Variants in SORCS3 observed in about 807,000 individuals in gnomAD.
SORCS3 encodes the protein sortilin related VPS10 domain containing receptor 3.
Under a neutral mutation model 146.3 loss-of-function variants are expected in SORCS3, and 57 were observed. The observed-to-expected ratio is 0.39, with a 90% CI of 0.31 to 0.49. The LOEUF (loss-of-function observed/expected upper bound fraction) is 0.49. Among genes scored for constraint, SORCS3 ranks in the 20% least tolerant of loss-of-function variants. The pLI, the probability that SORCS3 is intolerant of heterozygous loss-of-function variation, is 0.92. For synonymous variants in SORCS3, 653 were observed against 618.5 expected, an observed-to-expected ratio of 1.06 and a Z score of -0.83; for missense variants, 1,341 against 1,575.5, an observed-to-expected ratio of 0.85 and a Z score of 2.52.
chr10:104,889,910 C>G (rs2018730937), intron 2 of SORCS3, among the ~76,000 whole-genome samples: 1 of 151,984 alleles, frequency 6.6e-6, no homozygotes, highest in Admixed American at 6.6e-5. Context: ...ATAGTTCTTT[C>G]ATCTGTTTTA....
chr10:104,820,009 G>A (rs934831072), intron 1 of SORCS3, among the ~76,000 whole-genome samples: 35 of 152,148 alleles, frequency 2.3e-4, no homozygotes, highest in Admixed American at 2.2e-3. Flanking sequence ...CTTATCTTGA[G>A]GATGTTGGGT....
intron 1 of SORCS3, among the ~76,000 whole-genome samples, chr10:104,749,745 C>T (rs1454452535): frequency 6.6e-6 from 1 of 152,088 alleles, no homozygotes; most frequent in Non-Finnish European, 1.5e-5. Flanking sequence ...ATGGACAGGG[C>T]CAGTCATGTC....
chr10:104,991,151 G>A (rs2054991556), intron 4 of SORCS3, among the ~76,000 whole-genome samples: 1 of 152,040 alleles, frequency 6.6e-6, no homozygotes, highest in Non-Finnish European at 1.5e-5. Context: ...CTGTGGTCCT[G>A]AAATAAGAAA....
intron 2 of SORCS3, among the ~76,000 whole-genome samples, chr10:104,844,823 G>A (rs193051068): frequency 6.6e-6 from 1 of 152,270 alleles, no homozygotes; most frequent in Non-Finnish European, 1.5e-5. Flanking sequence ...GGATAAACCA[G>A]GATGACCTCA....
chr10:104,777,539 G>T (rs895870741), intron 1 of SORCS3, among the ~76,000 whole-genome samples: 9 of 152,278 alleles, frequency 5.9e-5, no homozygotes, highest in Middle Eastern at 6.8e-3. Flanking sequence ...TTCACCAGGG[G>T]CAAATTTTGC....
At chr10:104,893,696 T>C (rs937522052) in intron 2 of SORCS3, among the ~76,000 whole-genome samples, 8 of 152,360 alleles carry the variant, frequency 5.3e-5, no homozygotes, top group East Asian at 1.9e-4. Context: ...ATGCCCAAGA[T>C]GCCTTGCCGT....
chr10:104,856,290 CAT>C (rs149613301), intron 2 of SORCS3, among the ~76,000 whole-genome samples: 1 of 149,492 alleles, frequency 6.7e-6, no homozygotes. Context: ...TCTCTCTCTA[CAT>C]ATATATATAT....
At position 104,876,643 on chromosome 10, in the gene SORCS3, C is replaced by T. The variant is rs145828089; in HGVS notation, c.695+33784C>T. ...GGAGTATTCCTCTTTCATATGCCCCCAAAACTCCACACCATTGTCAGATGC... is the reference window on the plus strand; with the variant it reads ...GGAGTATTCCTCTTTCATATGCCCCTAAAACTCCACACCATTGTCAGATGC... On this transcript the variant is annotated intron_variant, in intron 2 of 26. Coordinates refer to ENST00000369701, the MANE Select transcript of SORCS3 (RefSeq NM_014978.3). Among the ~76,000 whole-genome samples, 547 of 152,184 alleles carry T rather than the reference C, an allele frequency of 3.6e-3. 3 individuals are homozygous for T. Among genetic ancestry groups the T allele is most frequent in the African/African-American group, 0.012 (504 of 41,530 alleles).
chr10:105,104,653 TTCTG>T (rs2055808920), intron 6 of SORCS3, among the ~76,000 whole-genome samples: 1 of 152,256 alleles, frequency 6.6e-6, no homozygotes, highest in South Asian at 2.1e-4. Context: ...CTCACTTGAA[TTCTG>T]TCTACTTCCT....
chr10:104,837,446 A>G (rs1417830184), intron 1 of SORCS3, among the ~76,000 whole-genome samples: 1 of 152,218 alleles, frequency 6.6e-6, no homozygotes, highest in Non-Finnish European at 1.5e-5. Context: ...TATAGCTTGT[A>G]AGAAGAGAGA....
intron 6 of SORCS3, among the ~76,000 whole-genome samples, chr10:105,094,935 G>A (rs74157420): frequency 0.028 from 4,220 of 152,220 alleles, 118 homozygotes; most frequent in East Asian, 0.16. Flanking sequence ...TGAGGGAACA[G>A]GTAGGTAGCT....
At chr10:105,229,454 C>G (rs1046264314) in intron 20 of SORCS3, among the ~76,000 whole-genome samples, 2 of 152,048 alleles carry the variant, frequency 1.3e-5, no homozygotes, top group Admixed American at 1.3e-4. Flanking sequence ...ACATTGATAT[C>G]TGTGCAGCTG....
chr10:105,095,149 T>C (rs748006801), intron 6 of SORCS3, among the ~76,000 whole-genome samples: 6 of 152,170 alleles, frequency 3.9e-5, no homozygotes, highest in African/African-American at 4.8e-5. Context: ...CAGGAAGAGA[T>C]AGATGAAAAG....
intron 6 of SORCS3, among the ~76,000 whole-genome samples, chr10:105,099,685 C>T (rs1350433179): frequency 6.6e-6 from 1 of 152,122 alleles, no homozygotes; most frequent in Non-Finnish European, 1.5e-5. Flanking sequence ...AGATGAGGGG[C>T]TTGTCTTGCT....
At chr10:104,866,298 G>T (rs1417112735) in intron 2 of SORCS3, among the ~76,000 whole-genome samples, 1 of 152,168 alleles carries the variant, frequency 6.6e-6, no homozygotes, top group Non-Finnish European at 1.5e-5. Context: ...CATGTAAAGA[G>T]ATATGCATTT....
chr10:105,134,356 A>T (rs1352742471), intron 7 of SORCS3, among the ~76,000 whole-genome samples: 1 of 152,170 alleles, frequency 6.6e-6, no homozygotes, highest in Non-Finnish European at 1.5e-5. Context: ...TCCGCTGGTC[A>T]TCTGCCAGAA....
At chr10:104,940,238 A>ATATTTTT (rs1435205868) in intron 3 of SORCS3, among the ~76,000 whole-genome samples, 13 of 31,512 alleles carry the variant, frequency 4.1e-4, no homozygotes, top group Non-Finnish European at 7.3e-4. Flanking sequence ...ATATATATAT[A>ATATTTTT]TTTTTTTTTT....
chr10:104,771,798 G>A (rs2017252722), intron 1 of SORCS3, among the ~76,000 whole-genome samples: 1 of 151,572 alleles, frequency 6.6e-6, no homozygotes, highest in Non-Finnish European at 1.5e-5. Context: ...CAAGCAACCT[G>A]CATCACACTA....
chr10:105,223,189 C>A lies in SORCS3; in HGVS notation c.2808C>A (p.Val936=). The change falls in exon 20 of 27, where the codon GTC becomes GTA. Residue 936 remains valine (V), a synonymous_variant. Transcript: ENST00000369701. The part of the protein sequence containing the change: ...IRNKEVNISA[V]VWPSQLGTLT... The stretch of plus-strand genomic sequence containing the variant: ...ATAAGGAGGTCAACATCAGTGCAGT[C>A]GTGTGGCCCAGTCAACTGGGGACCC... 1.2e-6 allele frequency: 2 copies of A among 1,613,428 alleles called. No individual in the cohort carries two copies. Among genetic ancestry groups the A allele is most frequent in the Non-Finnish European group, 1.7e-6 (2 of 1,179,504 alleles).
Sources: gnomAD v4.1 joint callset for allele counts (sites outside exome capture counted in the v4.1 genomes callset) on GRCh38, gnomAD v4.1.1 for gene constraint, MANE v1.5 for transcripts, NCBI Gene and HGNC (gene_info 2026-07-23, HGNC 2026-07-21) for gene names.